The following WWOX variants were observed in gnomAD, a reference collection of about 807,000 sequenced individuals.
WWOX encodes WW domain-containing oxidoreductase.
WWOX carries 69 observed loss-of-function variants against 46.2 expected under a neutral mutation model. That is an observed-to-expected ratio of 1.49 (90% CI 1.23 to 1.82). WWOX has a LOEUF of 1.82. Among genes scored for constraint, WWOX ranks in the 40% most tolerant of loss-of-function variants. The pLI, the probability that WWOX is intolerant of heterozygous loss-of-function variation, is 0.00. For synonymous variants in WWOX, 359 were observed against 202.6 expected, an observed-to-expected ratio of 1.77 and a Z score of -6.56; for missense variants, 919 against 542.6, an observed-to-expected ratio of 1.69 and a Z score of -6.89.
intron 5 of WWOX, among the ~76,000 whole-genome samples, chr16:78,259,027 A>G (rs577561212): frequency 6.6e-6 from 1 of 152,212 alleles, no homozygotes; most frequent in Non-Finnish European, 1.5e-5. Context: ...AAGAATCTTT[A>G]AGAACTCATA....
chr16:79,002,635 T>C (rs1047695406), intron 8 of WWOX, among the ~76,000 whole-genome samples: 1 of 152,216 alleles, frequency 6.6e-6, no homozygotes, highest in African/African-American at 2.4e-5. Context: ...TGAGGCCCTT[T>C]ATTAAGTGCT....
intron 8 of WWOX, among the ~76,000 whole-genome samples, chr16:79,080,337 T>A (rs939148795): frequency 6.6e-6 from 1 of 151,756 alleles, no homozygotes; most frequent in Admixed American, 6.6e-5. Flanking sequence ...ACGAATCAGC[T>A]ATTTGTATTC....
At chr16:78,822,349 C>T (rs901991760) in intron 8 of WWOX, among the ~76,000 whole-genome samples, 1 of 152,128 alleles carries the variant, frequency 6.6e-6, no homozygotes, top group Non-Finnish European at 1.5e-5. Context: ...CAAAAATTAG[C>T]CAGGTGTGGT....
chr16:78,978,949 T>C (rs1482817449), intron 8 of WWOX, among the ~76,000 whole-genome samples: 1 of 152,060 alleles, frequency 6.6e-6, no homozygotes, highest in Non-Finnish European at 1.5e-5. Context: ...TTGATGTCCC[T>C]CCCCACTTTA....
intron 8 of WWOX, among the ~76,000 whole-genome samples, chr16:79,171,159 C>T (rs1449069784): frequency 1.3e-5 from 2 of 152,200 alleles, no homozygotes; most frequent in African/African-American, 4.8e-5. Context: ...ATATCACACA[C>T]TGACTTGGGA....
At chr16:78,536,238 A>G (rs781721785) in intron 8 of WWOX, among the ~76,000 whole-genome samples, 5 of 152,070 alleles carry the variant, frequency 3.3e-5, no homozygotes, top group African/African-American at 7.2e-5. Flanking sequence ...CACCAAAATG[A>G]AGTTTTTAGT....
At chr16:78,841,302 T>G (rs1398612015) in intron 8 of WWOX, among the ~76,000 whole-genome samples, 1 of 152,208 alleles carries the variant, frequency 6.6e-6, no homozygotes, top group African/African-American at 2.4e-5. Context: ...GTCACCATAA[T>G]GTGATCTGTC....
At chr16:78,520,454 C>T (rs78523579) in intron 8 of WWOX, among the ~76,000 whole-genome samples, 1,566 of 152,316 alleles carry the variant, frequency 0.01, 12 homozygotes, top group Middle Eastern at 0.044. Context: ...GTTTTACACA[C>T]ATATTTTGCA....
chr16:78,465,585 C>T (rs2084055825), intron 8 of WWOX, among the ~76,000 whole-genome samples: 1 of 152,188 alleles, frequency 6.6e-6, no homozygotes, highest in Admixed American at 6.5e-5. Flanking sequence ...CTCACATGGA[C>T]CCATAATCTC....
intron 8 of WWOX, among the ~76,000 whole-genome samples, chr16:78,785,557 T>G (rs939921837): frequency 6.6e-6 from 1 of 152,182 alleles, no homozygotes; most frequent in Non-Finnish European, 1.5e-5. Flanking sequence ...AATTTACAAA[T>G]AAGAAGAAGA....
Position 78,824,782 on chromosome 16 carries a change from C to T in WWOX, c.1057-386826C>T, listed in dbSNP as rs562116427. Among the ~76,000 whole-genome samples the T allele has an allele frequency of 1.5e-4, 23 of 152,252 alleles. No individual in the cohort carries two copies. In the South Asian group the frequency reaches 4.8e-3, roughly 32 times the overall value. ...ACCTCGCCCTGGGTCCCTCCCACAA[C>T]ATGTGGGAATTCTGGGAGATACAAT... On this transcript the variant is annotated intron_variant, in intron 8 of 8. Transcript: ENST00000566780.
chr16:78,568,952 C>T (rs1435724539), intron 8 of WWOX, among the ~76,000 whole-genome samples: 6 of 152,142 alleles, frequency 3.9e-5, no homozygotes, highest in Non-Finnish European at 7.3e-5. Flanking sequence ...CCACTTCTAC[C>T]TTAGCTATGT....
chr16:78,615,725 A>G (rs965108541), intron 8 of WWOX, among the ~76,000 whole-genome samples: 4 of 152,002 alleles, frequency 2.6e-5, no homozygotes, highest in African/African-American at 9.7e-5. Flanking sequence ...GGAAGGAAGA[A>G]ATGCTGTTTT....
At chr16:78,961,024 A>C (rs2046261096) in intron 8 of WWOX, among the ~76,000 whole-genome samples, 1 of 152,096 alleles carries the variant, frequency 6.6e-6, no homozygotes, top group Non-Finnish European at 1.5e-5. Context: ...ATGTCTGTAA[A>C]AGTAATCAGC....
intron 5 of WWOX, among the ~76,000 whole-genome samples, chr16:78,175,557 A>G (rs1041432258): frequency 6.6e-6 from 1 of 152,216 alleles, no homozygotes; most frequent in South Asian, 2.1e-4. Flanking sequence ...AGGAAACTCA[A>G]GCAGACCTGA....
At position 78,863,611 on chromosome 16, in the gene WWOX, G is replaced by A. The variant is rs78621098; in HGVS notation, c.1057-347997G>A. On this transcript the variant is annotated intron_variant, in intron 8 of 8. Transcript: ENST00000566780. ...AGAGTGAATCTCCCAACCATAAGCT[G>A]TATTCAGGCAGGCACGAAGTCTCTT... Among the ~76,000 whole-genome samples the A allele has an allele frequency of 3.8e-3, 574 of 152,242 alleles. 6 individuals are homozygous for A. The highest frequency in any genetic ancestry group is 0.013 in the African/African-American group (521 of 41,548).
intron 6 of WWOX, among the ~76,000 whole-genome samples, chr16:78,391,772 C>T (rs2151937780): frequency 6.6e-6 from 1 of 152,192 alleles, no homozygotes; most frequent in African/African-American, 2.4e-5. Context: ...TGCTTGAGCT[C>T]TGGGGTGGGC....
At chr16:78,127,718 G>A (rs1297275876) in intron 4 of WWOX, among the ~76,000 whole-genome samples, 2 of 152,180 alleles carry the variant, frequency 1.3e-5, no homozygotes, top group Admixed American at 1.3e-4. Context: ...TTATAGGACT[G>A]CCTGGTGTAT....
At chr16:78,169,488 C>T (rs202173577) in intron 5 of WWOX, among the ~76,000 whole-genome samples, 3 of 17,976 alleles carry the variant, frequency 1.7e-4, no homozygotes, top group Admixed American at 4.6e-4. Flanking sequence ...CTCAGGACCT[C>T]TGCATGTAAA....
Sources: allele counts gnomAD v4.1 joint callset (sites outside exome capture counted in the v4.1 genomes callset), GRCh38; gene constraint gnomAD v4.1.1; transcripts MANE v1.5; gene names NCBI Gene and HGNC (gene_info 2026-07-23, HGNC 2026-07-21).